Variants in PLOD2 observed in about 807,000 individuals in gnomAD.
PLOD2 encodes the protein procollagen-lysine,2-oxoglutarate 5-dioxygenase 2, also known as lysine hydroxylase 2.
PLOD2 carries 65 observed loss-of-function variants against 101.0 expected under a neutral mutation model. That is an observed-to-expected ratio of 0.64 (90% CI 0.53 to 0.79). The LOEUF is 0.79. PLOD2 is among the 30% of genes least tolerant of loss of function. PLOD2 has a pLI of 0.00. For synonymous variants in PLOD2, 314 were observed against 302.9 expected (o/e 1.04, Z -0.38); for missense variants, 909 against 914.6 (o/e 0.99, Z 0.08).
intron 1 of PLOD2, among the ~76,000 whole-genome samples, chr3:146,152,120 A>C (rs2032083343): frequency 6.6e-6 from 1 of 152,226 alleles, no homozygotes; most frequent in Admixed American, 6.5e-5. Flanking sequence ...CAACAGCATA[A>C]AAATTTTCTA....
intron 5 of PLOD2, chr3:146,104,963 T>C (rs553834112): frequency 7.9e-5 from 12 of 152,352 alleles, no homozygotes; most frequent in African/African-American, 2.2e-4. Flanking sequence ...AGATGGCCTG[T>C]TTTTACTACC....
intron 10 of PLOD2, chr3:146,086,249 C>A (rs889869160): frequency 6.6e-6 from 1 of 152,336 alleles, no homozygotes; most frequent in African/African-American, 2.4e-5. Flanking sequence ...CAGTTCCTGG[C>A]ATATTCAATT....
At position 146,127,393 on chromosome 3, in the gene PLOD2, T is replaced by C. The variant is rs189353203; in HGVS notation, c.110-3164A>G. Among the ~76,000 whole-genome samples the C allele has an allele frequency of 8.4e-4, 128 of 152,214 alleles. 1 individual carries two copies. Among genetic ancestry groups the C allele is most frequent in the African/African-American group, 2.9e-3 (120 of 41,546 alleles). On this transcript the variant is annotated intron_variant, in intron 1 of 19. Transcript: ENST00000282903. ...CCATCTTTATGTCCATGTGTACCCA[T>C]TGTTTAGCTCCCACTTATAAGCGAG... is the stretch of plus-strand genomic sequence containing the variant.
intron 1 of PLOD2, among the ~76,000 whole-genome samples, chr3:146,133,915 A>C (rs939793385): frequency 6.6e-6 from 1 of 152,342 alleles, no homozygotes; most frequent in African/African-American, 2.4e-5. Flanking sequence ...ATTACACTGT[A>C]ATCTGTATAG....
At chr3:146,153,062 G>A (rs938589850) in intron 1 of PLOD2, among the ~76,000 whole-genome samples, 1 of 152,150 alleles carries the variant, frequency 6.6e-6, no homozygotes, top group Non-Finnish European at 1.5e-5. Context: ...CCAGCTGGAG[G>A]CCAGGAAAGA....
chr3:146,158,247 A>G (rs2032397454), intron 1 of PLOD2, among the ~76,000 whole-genome samples: 1 of 152,178 alleles, frequency 6.6e-6, no homozygotes, highest in Non-Finnish European at 1.5e-5. Context: ...CTGCCTCTGA[A>G]AGCTCCCATA....
chr3:146,088,657 G>A lies in PLOD2; in HGVS notation c.934C>T (p.Pro312Ser), dbSNP rs886044629. ...VFIEQPTPFL[P>S]RFLDILLTLD... Reference sequence around the variant, plus strand: ...GTCAACAATATGTCCAGAAACCGAGGTAGAAAAGGGGTTGGTTGCTCAATA... The same window carrying A: ...GTCAACAATATGTCCAGAAACCGAGATAGAAAAGGGGTTGGTTGCTCAATA... Residue 312 changes from proline to serine, a missense_variant, in exon 9 of 20, where the codon CCT (proline) becomes TCT (serine). Coordinates refer to ENST00000282903, the MANE Select transcript of PLOD2 (RefSeq NM_182943.3). 6.2e-7 allele frequency: 1 copy of A among 1,605,832 alleles called. No individual in the cohort carries two copies. The highest frequency in any genetic ancestry group is 1.7e-5 in the Admixed American group (1 of 59,832).
chr3:146,103,319 T>C (rs1004957804), intron 6 of PLOD2, among the ~76,000 whole-genome samples: 5 of 152,188 alleles, frequency 3.3e-5, no homozygotes, highest in African/African-American at 1.2e-4. Context: ...GGTTCTACAA[T>C]TGGCTACCAA....
intron 11 of PLOD2, among the ~76,000 whole-genome samples, chr3:146,082,619 G>A (rs887874224): frequency 2.0e-5 from 3 of 152,120 alleles, no homozygotes; most frequent in African/African-American, 7.2e-5. Context: ...CGGGCCCGGC[G>A]CAGTGGCTCA....
At chr3:146,114,032 AG>A (rs1439067983) in intron 3 of PLOD2, among the ~76,000 whole-genome samples, 2 of 152,252 alleles carry the variant, frequency 1.3e-5, no homozygotes, top group African/African-American at 4.8e-5. Context: ...GGGATGAAAT[AG>A]CCCCAGTCTC....
intron 1 of PLOD2, among the ~76,000 whole-genome samples, chr3:146,155,548 TA>T (rs35423942): frequency 1.1e-4 from 16 of 146,168 alleles, no homozygotes; most frequent in East Asian, 2.0e-4. Context: ...CCATCTCTAC[TA>T]AAAAAAAAAT....
At chr3:146,146,387 A>G (rs547067576) in intron 1 of PLOD2, among the ~76,000 whole-genome samples, 1 of 152,252 alleles carries the variant, frequency 6.6e-6, no homozygotes, top group Admixed American at 6.5e-5. Context: ...TGAAAAACAG[A>G]TGGTCCTATC....
chr3:146,146,753 T>C (rs758232484), intron 1 of PLOD2, among the ~76,000 whole-genome samples: 4 of 152,236 alleles, frequency 2.6e-5, no homozygotes, highest in Non-Finnish European at 4.4e-5. Flanking sequence ...CCTCCTAGTT[T>C]GGTCAGCTAT....
Position 146,086,864 on chromosome 3 carries a change from A to G in PLOD2, c.1050T>C (p.Ala350=). ...TTTTTATAGTTTTGATTTCATGCTTAGCTTTATCAAAAAATACCTTGATGT... is the reference window on the plus strand; with the variant it reads ...TTTTTATAGTTTTGATTTCATGCTTGGCTTTATCAAAAAATACCTTGATGT... ...EKDIKVFFDK[A]KHEIKTIKIV... is the part of the protein sequence containing the mutation. The change falls in exon 10 of 20, where the codon GCT becomes GCC. Residue 350 remains alanine, a synonymous_variant. Transcript: ENST00000282903. 1 of 1,535,314 alleles carries G rather than the reference A, an allele frequency of 6.5e-7. No individual in the cohort carries two copies. The highest frequency in any genetic ancestry group is 8.9e-7 in the Non-Finnish European group (1 of 1,121,234).
chr3:146,138,531 G>C (rs1324107472), intron 1 of PLOD2, among the ~76,000 whole-genome samples: 1 of 151,982 alleles, frequency 6.6e-6, no homozygotes, highest in African/African-American at 2.4e-5. Flanking sequence ...TCCAGTAAAA[G>C]GAAACAACAA....
At chr3:146,085,676 T>C in intron 10 of PLOD2, 1 of 199,530 alleles carries the variant, frequency 5.0e-6, no homozygotes, top group Non-Finnish European at 1.0e-5. Flanking sequence ...CAGGTATTAA[T>C]ATTTTACAAA....
At chr3:146,110,053 T>C (rs2108068401) in intron 4 of PLOD2, among the ~76,000 whole-genome samples, 1 of 152,226 alleles carries the variant, frequency 6.6e-6, no homozygotes, top group East Asian at 1.9e-4. Flanking sequence ...TCACTTAAAT[T>C]TGAAAAACAT....
intron 1 of PLOD2, among the ~76,000 whole-genome samples, chr3:146,138,354 CA>C (rs1407033535): frequency 6.7e-6 from 1 of 149,136 alleles, no homozygotes; most frequent in African/African-American, 2.5e-5. Context: ...AAAAAACAAA[CA>C]AAAATTTGCA....
At chr3:146,139,101 A>G (rs2031392991) in intron 1 of PLOD2, among the ~76,000 whole-genome samples, 2 of 152,164 alleles carry the variant, frequency 1.3e-5, no homozygotes, top group South Asian at 4.1e-4. Context: ...GTTCTAGGTT[A>G]GAGACCATGG....
Sources: gnomAD v4.1 joint callset for allele counts (sites outside exome capture counted in the v4.1 genomes callset) on GRCh38, gnomAD v4.1.1 for gene constraint, MANE v1.5 for transcripts, NCBI Gene and HGNC (gene_info 2026-07-23, HGNC 2026-07-21) for gene names.